Variants in TSPAN12 observed in about 807,000 individuals in gnomAD.
The protein encoded by TSPAN12 is tetraspanin-12.
TSPAN12 carries 19 observed loss-of-function variants against 39.2 expected under a neutral mutation model. The ratio of observed to expected loss-of-function variants is 0.49; its 90% CI spans 0.34 to 0.71. The LOEUF (loss-of-function observed/expected upper bound fraction) is 0.71, where lower values mean the gene tolerates loss of function less well. TSPAN12 is among the 30% of genes least tolerant of loss of function. The pLI is 0.01. For synonymous variants in TSPAN12, 119 were observed against 124.8 expected (o/e 0.95, Z 0.31); for missense variants, 314 against 359.9 (o/e 0.87, Z 1.03).
intron 7 of TSPAN12, among the ~76,000 whole-genome samples, chr7:120,794,033 T>C (rs1793583650): frequency 6.6e-6 from 1 of 152,200 alleles, no homozygotes; most frequent in African/African-American, 2.4e-5. Context: ...AACAGGACAC[T>C]CAACCACAGT....
intron 5 of TSPAN12, among the ~76,000 whole-genome samples, chr7:120,813,304 T>A (rs1464806558): frequency 1.3e-5 from 2 of 152,216 alleles, no homozygotes; most frequent in African/African-American, 4.8e-5. Context: ...CCTTGCTCCA[T>A]CCTGGTGATG....
In TSPAN12 at chr7:120,838,805, A is replaced by T; in HGVS notation, c.257T>A (p.Val86Glu). 1 of 1,614,060 alleles carries T rather than the reference A, an allele frequency of 6.2e-7. No homozygotes were observed. Residue 86 changes from valine to glutamate, a missense_variant, in exon 4 of 8, where the codon GTG becomes GAG. By Grantham distance (121) the Val-to-Glu change is moderately radical. Transcript: ENST00000222747. ...TGCAAGAAGCAACAGATTTCTTTTCACCGTTCCACAATATCCTAACATCCC... is the reference window on the plus strand; with the variant it reads ...TGCAAGAAGCAACAGATTTCTTTTCTCCGTTCCACAATATCCTAACATCCC... ...IVGMLGYCGTVKRNLLLLAWY... is the reference protein window; with the variant it reads ...IVGMLGYCGTEKRNLLLLAWY...
chr7:120,788,324 T>G lies in TSPAN12; in HGVS notation c.*268A>C. The G allele has an allele frequency of 2.1e-6, 1 of 474,486 alleles. No homozygotes were observed. The highest frequency in any genetic ancestry group is 3.8e-6 in the Non-Finnish European group (1 of 260,272). 29.4% of individuals were successfully genotyped at this position (474,486 alleles called of 1,614,324 possible). ...AATCAAACCATGCTGCCTCAAAACA[T>G]AACTGTGTTCAGTAAAAGTCATACA... On this transcript the variant is annotated 3_prime_UTR_variant, in exon 8 of 8. Coordinates refer to ENST00000222747, the MANE Select transcript of TSPAN12 (RefSeq NM_012338.4).
At position 120,840,156 on chromosome 7, in the gene TSPAN12, T is replaced by C. The variant is rs574927154; in HGVS notation, c.67-47A>G. ...CCGGTTACCAAAGATTTACGTAACA[T>C]TCACTGCAGGATTAATAATAGGAAA... On this transcript the variant is annotated intron_variant, in intron 2 of 7. Coordinates refer to ENST00000222747, the MANE Select transcript of TSPAN12 (RefSeq NM_012338.4). The C allele has an allele frequency of 5.4e-5, 72 of 1,325,740 alleles. No homozygotes were observed. The South Asian group carries it at 6.0e-4, about 11-fold the overall frequency. The allele number at this position is 1,325,740 out of a possible 1,614,324, so 82.1% of individuals were successfully genotyped here. A position where few individuals can be genotyped will look rare whatever the true frequency, so the allele number is the denominator to read the frequency against.
Position 120,858,030 on chromosome 7 carries a change from T to A in TSPAN12, c.-281A>T, listed in dbSNP as rs1024717861. 6 of 149,854 alleles carry A rather than the reference T, an allele frequency of 4.0e-5. No individual in the cohort carries two copies. The highest frequency in any genetic ancestry group is 8.8e-5 in the Non-Finnish European group (6 of 68,010). 9.3% of individuals were successfully genotyped at this position (149,854 alleles called of 1,614,324 possible). A position where few individuals can be genotyped will look rare whatever the true frequency, so the allele number is the denominator to read the frequency against. ...AAAAAAAAAAAGTCCTGGGCAGCAG[T>A]TGCTGGAAAGTCTCTGCTAAGCCAC... On this transcript the variant is annotated 5_prime_UTR_variant, in exon 1 of 8. Transcript: ENST00000222747.
chr7:120,838,686 C>G, intron 4 of TSPAN12, 91 bp downstream of exon 4: 1 of 1,369,148 alleles, frequency 7.3e-7, no homozygotes, highest in Non-Finnish European at 1.0e-6. Flanking sequence ...TTACTGCTAT[C>G]ACTGCTCCCT....
Position 120,858,099 on chromosome 7 carries a change from C to CGAGGCAGCGGCGGCAGCCA in TSPAN12, c.-369_-351dup, listed in dbSNP as rs1794912518. On this transcript the variant is annotated 5_prime_UTR_variant, in exon 1 of 8. Coordinates refer to ENST00000222747, the MANE Select transcript of TSPAN12 (RefSeq NM_012338.4). ...CTCCCAAGTCCTCTCCGAGTCCGGA[C>CGAGGCAGCGGCGGCAGCCA]GAGGCAGCGGCGGCAGCCAGGGCCA... The CGAGGCAGCGGCGGCAGCCA allele has an allele frequency of 6.6e-6, 1 of 152,238 alleles. No individual in the cohort carries two copies. Among genetic ancestry groups the CGAGGCAGCGGCGGCAGCCA allele is most frequent in the Non-Finnish European group, 1.5e-5 (1 of 68,102 alleles). The allele number at this position is 152,238 out of a possible 1,614,324, so 9.4% of individuals were successfully genotyped here. A position where few individuals can be genotyped will look rare whatever the true frequency, so the allele number is the denominator to read the frequency against.
intron 4 of TSPAN12, among the ~76,000 whole-genome samples, chr7:120,833,296 C>T (rs7805211): frequency 0.39 from 59,340 of 151,764 alleles, 13,986 homozygotes; most frequent in African/African-American, 0.67. Context: ...GCTATATAAT[C>T]ATAAAATTCA....
intron 5 of TSPAN12, chr7:120,813,996 T>C (rs1193396426): frequency 8.2e-6 from 2 of 244,022 alleles, no homozygotes; most frequent in African/African-American, 4.6e-5. Context: ...AGGAACTCTC[T>C]CTACTTACTT....
At chr7:120,814,971 C>A (rs990308064) in intron 5 of TSPAN12, among the ~76,000 whole-genome samples, 1 of 152,144 alleles carries the variant, frequency 6.6e-6, no homozygotes, top group Admixed American at 6.5e-5. Context: ...CTATTGCAGT[C>A]AGCATTTTAT....
intron 5 of TSPAN12, 71 bp downstream of exon 5, chr7:120,815,658 C>T (rs1005228952): frequency 2.2e-6 from 3 of 1,357,826 alleles, no homozygotes; most frequent in Non-Finnish European, 3.1e-6. Context: ...TGAAAATGAA[C>T]TAACACAAGT....
At chr7:120,817,407 A>C (rs1185077001) in intron 4 of TSPAN12, among the ~76,000 whole-genome samples, 1 of 61,400 alleles carries the variant, frequency 1.6e-5, no homozygotes, top group Admixed American at 1.6e-4. Flanking sequence ...AGTGTAGATT[A>C]TTTGAAGCCC....
intron 1 of TSPAN12, chr7:120,857,204 T>C: frequency 3.2e-6 from 1 of 309,638 alleles, no homozygotes; most frequent in Non-Finnish European, 6.3e-6. Context: ...GGCACTGTCC[T>C]GAAGGTGAGA....
chr7:120,788,281 C>T lies in TSPAN12; in HGVS notation c.*311G>A. On this transcript the variant is annotated 3_prime_UTR_variant, in exon 8 of 8. Transcript: ENST00000222747. ...AGTCCCACCATATGTGACTCGTTTG[C>T]ATGGATGCGGAAATGCTAATCAAAC... is the stretch of plus-strand genomic sequence containing the variant. The T allele has an allele frequency of 2.6e-6, 1 of 383,376 alleles. No homozygotes were observed. The highest frequency in any genetic ancestry group is 4.9e-6 in the Non-Finnish European group (1 of 205,862). The allele number at this position is 383,376 out of a possible 1,614,324, so 23.7% of individuals were successfully genotyped here.
chr7:120,846,578 T>C (rs1794673921), intron 2 of TSPAN12, among the ~76,000 whole-genome samples: 2 of 152,214 alleles, frequency 1.3e-5, no homozygotes, highest in Admixed American at 1.3e-4. Context: ...GCAGGATGAT[T>C]AAAAGCCTGG....
chr7:120,817,099 C>T (rs1041828674), intron 4 of TSPAN12, among the ~76,000 whole-genome samples: 3 of 152,006 alleles, frequency 2.0e-5, no homozygotes, highest in South Asian at 2.1e-4. Context: ...TTTGGCTAAG[C>T]GTGGTGGCTC....
chr7:120,799,544 TTATATATA>T (rs1363707301), intron 7 of TSPAN12, among the ~76,000 whole-genome samples: 1 of 105,956 alleles, frequency 9.4e-6, no homozygotes, highest in African/African-American at 4.1e-5. Flanking sequence ...TTATATATAA[TTATATATA>T]TAATTAAATA....
At chr7:120,832,231 A>G (rs1455356386) in intron 4 of TSPAN12, among the ~76,000 whole-genome samples, 1 of 152,074 alleles carries the variant, frequency 6.6e-6, no homozygotes, top group Non-Finnish European at 1.5e-5. Context: ...TGATAATGTA[A>G]TCACTAACAG....
chr7:120,802,802 C>G (rs1361311563), intron 7 of TSPAN12, among the ~76,000 whole-genome samples: 5 of 152,096 alleles, frequency 3.3e-5, no homozygotes, highest in African/African-American at 1.2e-4. Context: ...AGCTGTGTGC[C>G]AAACCTAACA....
Sources: allele counts gnomAD v4.1 joint callset (sites outside exome capture counted in the v4.1 genomes callset), GRCh38; gene constraint gnomAD v4.1.1; transcripts MANE v1.5; gene names NCBI Gene and HGNC (gene_info 2026-07-23, HGNC 2026-07-21).